ZNF638: variants seen among roughly 807,000 people sequenced by gnomAD.
ZNF638 encodes the protein CTCL tumor antigen se33-1.
ZNF638 carries 46 observed loss-of-function variants against 195.6 expected under a neutral mutation model. That is an observed-to-expected ratio of 0.24 (90% CI 0.19 to 0.30). The LOEUF is 0.30. Ranked by LOEUF, ZNF638 falls within the 10% of genes least tolerant of loss-of-function variation. The pLI, the probability that ZNF638 is intolerant of heterozygous loss-of-function variation, is 1.00. For missense variants in ZNF638, 2,440 were observed against 2,325.3 expected, an observed-to-expected ratio of 1.05 and a Z score of -1.01; for synonymous variants, 845 against 772.0, an observed-to-expected ratio of 1.09 and a Z score of -1.57.
rs773625477 is a variant in ZNF638 at position 71,423,123 on chromosome 2, G to C, written c.3609G>C (p.Gln1203His). 46 of 1,614,106 alleles carry C rather than the reference G, an allele frequency of 2.8e-5. No individual in the cohort carries two copies. The Middle Eastern group carries it at 4.9e-4, about 17-fold the overall frequency. ...ENAEECALNQQMFNSDLEKKG... is the reference protein window; with the variant it reads ...ENAEECALNQHMFNSDLEKKG... ...CCGAGGAGTGTGCTTTAAATCAGCA[G>C]ATGTTTAACAGTGACTTGGAGAAGA... Residue 1203 changes from glutamine to histidine, a missense_variant, in exon 22 of 28, where the codon CAG (glutamine) becomes CAC (histidine). Transcript: ENST00000264447.
intron 20 of ZNF638, 28 bp downstream of exon 20, chr2:71,408,275 T>G: frequency 1.2e-6 from 2 of 1,602,654 alleles, no homozygotes; most frequent in Non-Finnish European, 1.7e-6. Context: ...TCAGCTTTTG[T>G]GATTTTAGAA....
At chr2:71,373,175 A>G (rs530405518) in intron 8 of ZNF638, among the ~76,000 whole-genome samples, 1 of 152,312 alleles carries the variant, frequency 6.6e-6, no homozygotes, top group African/African-American at 2.4e-5. Flanking sequence ...AATTCGTTAT[A>G]TAGAAAATGA....
At chr2:71,382,752 G>C (rs2079555896) in intron 10 of ZNF638, among the ~76,000 whole-genome samples, 1 of 152,260 alleles carries the variant, frequency 6.6e-6, no homozygotes, top group Admixed American at 6.5e-5. Context: ...TAAATAATAT[G>C]AGTTTTAGAA....
chr2:71,394,988 A>C (rs187974119), intron 10 of ZNF638, among the ~76,000 whole-genome samples: 91 of 152,322 alleles, frequency 6.0e-4, no homozygotes, highest in African/African-American at 2.0e-3. Context: ...CCTCTCTACC[A>C]TGGAACCAAT....
At position 71,427,339 on chromosome 2, in the gene ZNF638, T is replaced by C. The variant is rs1424317628; in HGVS notation, c.5470T>C (p.Leu1824=). 1 of 1,607,684 alleles carries C rather than the reference T, an allele frequency of 6.2e-7. No homozygotes were observed. The highest frequency in any genetic ancestry group is 8.5e-7 in the Non-Finnish European group (1 of 1,178,594). ...CACAAAAAAGACAAAACTTGAATCC[T>C]TGTCCCAAGTGGGTCCAGTAAATGA... ...VDTKKTKLES[L]SQVGPVNENV... Residue 1824 remains leucine, a synonymous_variant, in exon 24 of 28, where the codon TTG becomes CTG. Transcript: ENST00000264447.
Position 71,428,633 on chromosome 2 carries a change from G to C in ZNF638, c.5632G>C (p.Ala1878Pro). 1 of 1,613,898 alleles carries C rather than the reference G, an allele frequency of 6.2e-7. No homozygotes were observed. The highest frequency in any genetic ancestry group is 1.1e-5 in the South Asian group (1 of 91,062). Residue 1878 changes from alanine to proline, a missense_variant, in exon 25 of 28, where the codon GCC becomes CCC. Transcript: ENST00000264447. The part of the protein sequence containing the change: ...VVTEPAKGEE[A>P]FQMSEVDEES... Reference sequence around the variant, plus strand: ...GACAGAACCAGCAAAAGGTGAAGAGGCCTTCCAGATGAGTGAAGGTAAAGC... The same window carrying C: ...GACAGAACCAGCAAAAGGTGAAGAGCCCTTCCAGATGAGTGAAGGTAAAGC...
chr2:71,405,696 G>A, intron 18 of ZNF638, 54 bp downstream of exon 18: 1 of 1,260,522 alleles, frequency 7.9e-7, no homozygotes, highest in Non-Finnish European at 1.1e-6. Context: ...TGGAAACATT[G>A]TTTTACTTGT....
chr2:71,355,653 AAAGCCTAATTC>A, intron 2 of ZNF638, 55 bp from the exon 3 acceptor site: 2 of 1,069,236 alleles, frequency 1.9e-6, no homozygotes, highest in Non-Finnish European at 2.7e-6. Flanking sequence ...GTCTTTTTTA[AAAGCCTAATTC>A]ATTAGTCAAC....
At chr2:71,374,347 C>T (rs2079378276) in intron 8 of ZNF638, among the ~76,000 whole-genome samples, 1 of 152,158 alleles carries the variant, frequency 6.6e-6, no homozygotes, top group Non-Finnish European at 1.5e-5. Context: ...GTGTTTCATA[C>T]TCTTCTGTTG....
intron 3 of ZNF638, among the ~76,000 whole-genome samples, chr2:71,358,217 T>C (rs890851714): frequency 2.6e-5 from 4 of 152,242 alleles, no homozygotes; most frequent in Admixed American, 6.5e-5. Context: ...CTAGGGCCCA[T>C]TGGATAATTC....
chr2:71,434,612 A>G (rs1026094292), intron 27 of ZNF638, 130 bp from the exon 28 acceptor site: 12 of 725,790 alleles, frequency 1.7e-5, no homozygotes, highest in Middle Eastern at 3.6e-4. Context: ...AAATGGTTAT[A>G]TAAGGCACTG....
chr2:71,431,473 A>C lies in ZNF638; in HGVS notation c.5752+45A>C, dbSNP rs1482373621. 3.2e-6 allele frequency: 5 copies of C among 1,581,584 alleles called. No individual in the cohort carries two copies. In the Admixed American group the frequency reaches 8.5e-5, roughly 27 times the overall value. On this transcript the variant is annotated intron_variant, in intron 26 of 27. Coordinates refer to ENST00000264447, the MANE Select transcript of ZNF638 (RefSeq NM_014497.5). ...TTTTTCTTACCCATATGAAATTTAA[A>C]AGTCGGCCGGGCGCGGTGGCTCAAG... is the stretch of plus-strand genomic sequence containing the variant.
chr2:71,355,436 A>G (rs985661962), intron 2 of ZNF638, among the ~76,000 whole-genome samples: 2 of 151,956 alleles, frequency 1.3e-5, no homozygotes, highest in South Asian at 2.1e-4. Context: ...ATTTTCTCCA[A>G]GTTTATATAT....
At chr2:71,366,551 A>C in intron 6 of ZNF638, among the ~76,000 whole-genome samples, 1 of 152,128 alleles carries the variant, frequency 6.6e-6, no homozygotes, top group East Asian at 1.9e-4. Context: ...GATGTGTCAA[A>C]AGAACATTTT....
chr2:71,421,742 C>G (rs1480428416), intron 21 of ZNF638, among the ~76,000 whole-genome samples: 4 of 152,158 alleles, frequency 2.6e-5, no homozygotes, highest in African/African-American at 9.7e-5. Flanking sequence ...GGATCACTCT[C>G]TGGTGTCTTT....
At chr2:71,348,378 A>G (rs1455490122) in intron 1 of ZNF638, 2 of 983,890 alleles carry the variant, frequency 2.0e-6, no homozygotes, top group East Asian at 2.1e-4. Context: ...TGCGTATTAA[A>G]TGTGTGCATT....
chr2:71,434,487 T>G lies in ZNF638; in HGVS notation c.5872-255T>G, dbSNP rs150086727. Among the ~76,000 whole-genome samples, 1,906 of 152,316 alleles carry G rather than the reference T, an allele frequency of 0.013. 39 individuals carry two copies. Among genetic ancestry groups the G allele is most frequent in the Non-Finnish European group, 0.013 (894 of 68,032 alleles). On this transcript the variant is annotated intron_variant, in intron 27 of 27. Transcript: ENST00000264447. ...TATTGTTTCTCTTCTCCCATTAGAA[T>G]GTAAGCTTTATTGTATAAAAGATTC... is the stretch of plus-strand genomic sequence containing the variant.
At chr2:71,337,559 C>T (rs2078691871) in intron 1 of ZNF638, among the ~76,000 whole-genome samples, 1 of 143,634 alleles carries the variant, frequency 7.0e-6, no homozygotes, top group African/African-American at 2.5e-5. Context: ...GCGCGCACCA[C>T]CATGCCTGGC....
intron 20 of ZNF638, chr2:71,418,168 A>T (rs2080343611): frequency 6.6e-6 from 1 of 152,566 alleles, no homozygotes; most frequent in Non-Finnish European, 1.5e-5. Flanking sequence ...ACAAATATTT[A>T]AAAGGATTAT....
Sources: gnomAD v4.1 joint callset for allele counts (sites outside exome capture counted in the v4.1 genomes callset) on GRCh38, gnomAD v4.1.1 for gene constraint, MANE v1.5 for transcripts, NCBI Gene and HGNC (gene_info 2026-07-23, HGNC 2026-07-21) for gene names.